The following DPP10 variants were observed in gnomAD, a reference collection of about 807,000 sequenced individuals.
DPP10 encodes inactive dipeptidyl peptidase 10.
A neutral mutation model predicts 120.9 loss-of-function variants in DPP10; 33 were observed. That is an observed-to-expected ratio of 0.27 (90% CI 0.21 to 0.37). The LOEUF (loss-of-function observed/expected upper bound fraction) is 0.37, where lower values mean the gene tolerates loss of function less well. Ranked by LOEUF, DPP10 falls within the 10% of genes least tolerant of loss-of-function variation. The probability of loss-of-function intolerance (pLI) is 1.00; values close to 1 mark genes in which losing one functional copy is unlikely to be tolerated. For synonymous variants in DPP10, 337 were observed against 326.1 expected, an observed-to-expected ratio of 1.03 and a Z score of -0.36; for missense variants, 816 against 942.8, an observed-to-expected ratio of 0.87 and a Z score of 1.76.
At chr2:115,207,446 A>AAAAAAAAAAAAAG (rs2056220806) in intron 1 of DPP10, among the ~76,000 whole-genome samples, 1 of 138,472 alleles carries the variant, frequency 7.2e-6, no homozygotes, top group Non-Finnish European at 1.5e-5. Context: ...AAAAAAAAAA[A>AAAAAAAAAAAAAG]GCTTTCTCCT....
chr2:115,599,354 G>A (rs2083182329), intron 5 of DPP10, among the ~76,000 whole-genome samples: 1 of 151,974 alleles, frequency 6.6e-6, no homozygotes, highest in Non-Finnish European at 1.5e-5. Flanking sequence ...GCCCTGTTAG[G>A]TTGGTTAGAA....
chr2:114,847,442 C>T (rs1688630434), intron 1 of DPP10, among the ~76,000 whole-genome samples: 2 of 152,170 alleles, frequency 1.3e-5, no homozygotes, highest in Non-Finnish European at 2.9e-5. Context: ...ATCATTGAGC[C>T]ACTTAATTTG....
intron 3 of DPP10, among the ~76,000 whole-genome samples, chr2:115,462,510 TGGAGGACAAG>T (rs980217676): frequency 6.6e-6 from 1 of 152,116 alleles, no homozygotes; most frequent in African/African-American, 2.4e-5. Flanking sequence ...TGGTATGACA[TGGAGGACAAG>T]GTCCTCCATG....
intron 3 of DPP10, among the ~76,000 whole-genome samples, chr2:115,442,073 A>G (rs1162961384): frequency 1.3e-5 from 2 of 151,712 alleles, no homozygotes; most frequent in African/African-American, 4.8e-5. Context: ...CGGCCTCCCA[A>G]AGTTCTGGGA....
chr2:115,443,427 T>G (rs1360199490), intron 3 of DPP10, among the ~76,000 whole-genome samples: 1 of 152,182 alleles, frequency 6.6e-6, no homozygotes, highest in African/African-American at 2.4e-5. Flanking sequence ...TTTGGAAGTT[T>G]TTTATTCATT....
At chr2:115,006,641 A>G (rs1701865644) in intron 1 of DPP10, among the ~76,000 whole-genome samples, 1 of 149,138 alleles carries the variant, frequency 6.7e-6, no homozygotes, top group African/African-American at 2.4e-5. Flanking sequence ...ATAATGGTAA[A>G]GGGATCAATT....
intron 1 of DPP10, among the ~76,000 whole-genome samples, chr2:114,485,114 G>T (rs182368361): frequency 1.5e-4 from 23 of 152,258 alleles, no homozygotes; most frequent in African/African-American, 5.3e-4. Flanking sequence ...TGTTGATATT[G>T]AGAGGCACAA....
At chr2:114,808,719 A>G (rs1430729585) in intron 1 of DPP10, among the ~76,000 whole-genome samples, 1 of 152,050 alleles carries the variant, frequency 6.6e-6, no homozygotes, top group Non-Finnish European at 1.5e-5. Flanking sequence ...TTCTAGCCCT[A>G]AAACAAGACA....
chr2:115,620,880 G>A (rs191959533), intron 5 of DPP10, among the ~76,000 whole-genome samples: 7 of 152,294 alleles, frequency 4.6e-5, no homozygotes, highest in Admixed American at 4.6e-4. Flanking sequence ...AGGATGACAG[G>A]CATAAATTGA....
chr2:114,616,493 A>G (rs750017924), intron 1 of DPP10, among the ~76,000 whole-genome samples: 2 of 152,116 alleles, frequency 1.3e-5, no homozygotes, highest in Non-Finnish European at 2.9e-5. Flanking sequence ...AACTCCACCA[A>G]AAGCCTGGAT....
chr2:114,902,289 C>T (rs538153455), intron 1 of DPP10, among the ~76,000 whole-genome samples: 20 of 152,124 alleles, frequency 1.3e-4, no homozygotes, highest in Non-Finnish European at 2.1e-4. Flanking sequence ...TCATTTTTTT[C>T]AAATGGATGT....
chr2:115,176,170 G>T (rs1332883854), intron 1 of DPP10, among the ~76,000 whole-genome samples: 1 of 151,596 alleles, frequency 6.6e-6, no homozygotes, highest in African/African-American at 2.4e-5. Flanking sequence ...TAAAAGGAAA[G>T]AATTTCAGTG....
chr2:115,624,492 C>A (rs917754107), intron 5 of DPP10, among the ~76,000 whole-genome samples: 1 of 152,144 alleles, frequency 6.6e-6, no homozygotes, highest in African/African-American at 2.4e-5. Flanking sequence ...CCTATGAGAT[C>A]ATCTGTCTGC....
At chr2:115,101,627 T>G (rs66963224) in intron 1 of DPP10, among the ~76,000 whole-genome samples, 31,323 of 152,154 alleles carry the variant, frequency 0.21, 3,971 homozygotes, top group East Asian at 0.36. Context: ...ATGGGTAGAA[T>G]GAGTATTCTC....
At chr2:115,319,262 T>G (rs1430882138) in intron 2 of DPP10, among the ~76,000 whole-genome samples, 1 of 152,146 alleles carries the variant, frequency 6.6e-6, no homozygotes, top group Non-Finnish European at 1.5e-5. Context: ...TCATGATGTA[T>G]AAGCCTCTTC....
intron 1 of DPP10, among the ~76,000 whole-genome samples, chr2:114,928,600 G>A (rs1018582288): frequency 6.6e-6 from 1 of 152,106 alleles, no homozygotes; most frequent in African/African-American, 2.4e-5. Context: ...TCCAGCCTGA[G>A]GGTACACGGT....
chr2:115,323,118 T>G (rs1216948989), intron 2 of DPP10, among the ~76,000 whole-genome samples: 2 of 152,194 alleles, frequency 1.3e-5, no homozygotes, highest in African/African-American at 4.8e-5. Context: ...TTCTCCACAA[T>G]AGACCTTCTT....
At chr2:115,457,162 G>A (rs1311127836) in intron 3 of DPP10, among the ~76,000 whole-genome samples, 1 of 151,752 alleles carries the variant, frequency 6.6e-6, no homozygotes, top group Admixed American at 6.6e-5. Flanking sequence ...GCAATTCAAT[G>A]AAGGAAAGAA....
chr2:114,986,235 A>T (rs564068631), intron 1 of DPP10, among the ~76,000 whole-genome samples: 1 of 152,240 alleles, frequency 6.6e-6, no homozygotes, highest in African/African-American at 2.4e-5. Context: ...AGAGACTAGT[A>T]AACCTATCCC....
Sources: allele counts gnomAD v4.1 joint callset (sites outside exome capture counted in the v4.1 genomes callset), GRCh38; gene constraint gnomAD v4.1.1; transcripts MANE v1.5; gene names NCBI Gene and HGNC (gene_info 2026-07-23, HGNC 2026-07-21).